STAT2: variants seen among roughly 807,000 people sequenced by gnomAD.
STAT2 encodes the protein signal transducer and activator of transcription 2.
STAT2 carries 51 observed loss-of-function variants against 122.3 expected under a neutral mutation model. That is an observed-to-expected ratio of 0.42 (90% CI 0.33 to 0.53). The LOEUF is 0.53. STAT2 is among the 20% of genes least tolerant of loss of function. The pLI, the probability that STAT2 is intolerant of heterozygous loss-of-function variation, is 0.10. For missense variants in STAT2, 736 were observed against 1,010.3 expected (o/e 0.73, Z 3.68); for synonymous variants, 351 against 394.9 (o/e 0.89, Z 1.32).
In STAT2 at chr12:56,351,345, C is replaced by T; in HGVS notation, c.888G>A (p.Gly296=). 1 of 1,614,112 alleles carries T rather than the reference C, an allele frequency of 6.2e-7. No homozygotes were observed. Among genetic ancestry groups the T allele is most frequent in the Non-Finnish European group, 8.5e-7 (1 of 1,180,034 alleles). The change falls in exon 9 of 24, where the codon GGG becomes GGA. Residue 296 remains glycine, a synonymous_variant. Coordinates refer to ENST00000314128, the MANE Select transcript of STAT2 (RefSeq NM_005419.4). The part of the protein sequence containing the change: ...VSYQDDPLTK[G]VDLRNAQVTE... ...TGACCTGGGCGTTGCGTAGGTCCAC[C>T]CCTTTGGTCAGAGGGTCATCCTGAT...
Position 56,349,214 on chromosome 12 carries a change from T to G in STAT2, c.1389A>C (p.Ser463=). ...VVIISNMNQL[S]IAWASVLWFN... is the part of the protein sequence containing the mutation. ...ACCAGAGAACTGAAGCCCAGGCAAT[T>G]GAGAGCTGGTTCATGTTGGAAATAA... Residue 463 remains serine (S), a synonymous_variant, in exon 16 of 24, where the codon TCA becomes TCC. Coordinates refer to ENST00000314128, the MANE Select transcript of STAT2 (RefSeq NM_005419.4). 1 of 1,614,080 alleles carries G rather than the reference T, an allele frequency of 6.2e-7. No individual in the cohort carries two copies. The highest frequency in any genetic ancestry group is 8.5e-7 in the Non-Finnish European group (1 of 1,180,004).
intron 14 of STAT2, 28 bp downstream of exon 14, chr12:56,349,561 T>G (rs569386488): frequency 6.2e-7 from 1 of 1,614,150 alleles, no homozygotes; most frequent in African/African-American, 1.3e-5. Context: ...AAGCTCCCCC[T>G]GCCTCGAGTC....
At chr12:56,353,599 A>G (rs1878891013) in intron 8 of STAT2, among the ~76,000 whole-genome samples, 1 of 152,206 alleles carries the variant, frequency 6.6e-6, no homozygotes, top group Non-Finnish European at 1.5e-5. Context: ...CAAGAAATTG[A>G]AAATAACCTA....
intron 8 of STAT2, among the ~76,000 whole-genome samples, chr12:56,354,016 A>AAAAAAAAAATATAT (rs71081350): frequency 6.6e-4 from 11 of 16,692 alleles, no homozygotes; most frequent in African/African-American, 1.2e-3. Flanking sequence ...AAAAAAAAAA[A>AAAAAAAAAATATAT]ATATATATAT....
At position 56,343,467 on chromosome 12, in the gene STAT2, C is replaced by T; in HGVS notation, c.2478G>A (p.Gln826=). Residue 826 remains glutamine, a synonymous_variant, in exon 24 of 24, where the codon CAG becomes CAA. Transcript: ENST00000314128. The stretch of plus-strand genomic sequence containing the variant: ...AGACGTAAACCTCATCCACGGTGTT[C>T]TGGCCAGCCAACAGTGGGTCACCAT... The part of the protein sequence containing the change: ...MPNGDPLLAG[Q]NTVDEVYVSR... 2 of 1,614,176 alleles carry T rather than the reference C, an allele frequency of 1.2e-6. No homozygotes were observed. The highest frequency in any genetic ancestry group is 1.7e-6 in the Non-Finnish European group (2 of 1,180,028).
At position 56,348,535 on chromosome 12, in the gene STAT2, T is replaced by C. The variant is rs562829410; in HGVS notation, c.1718A>G (p.Asn573Ser). 3.7e-6 allele frequency: 6 copies of C among 1,614,058 alleles called. No individual in the cohort carries two copies. The highest frequency in any genetic ancestry group is 5.1e-6 in the Non-Finnish European group (6 of 1,180,026). ...AGGGTGACCAAGGCCTTACCCATCA[T>C]TCCAGAGATCCTTCAGGTGGTCATG... ...LVHDHLKDLW[N>S]DGRIMGFVSR... The change falls in exon 19 of 24, where the codon AAT (asparagine) becomes AGT (serine). Residue 573 changes from asparagine (N) to serine (S), a missense_variant. Physicochemically the swap from Asn to Ser is conservative, Grantham distance 46. Coordinates refer to ENST00000314128, the MANE Select transcript of STAT2 (RefSeq NM_005419.4).
chr12:56,351,001 A>T, intron 10 of STAT2, 97 bp downstream of exon 10: 1 of 1,570,424 alleles, frequency 6.4e-7, no homozygotes, highest in Non-Finnish European at 8.8e-7. Context: ...GCAGGGAAAG[A>T]GAAGAAAAAG....
chr12:56,343,451 C>A lies in STAT2; in HGVS notation c.2494G>T (p.Val832Phe), dbSNP rs1212414692. The A allele has an allele frequency of 1.2e-6, 2 of 1,613,952 alleles. No homozygotes were observed. Among genetic ancestry groups the A allele is most frequent in the African/African-American group, 2.7e-5 (2 of 74,892 alleles). The change falls in exon 24 of 24, where the codon GTT (valine) becomes TTT (phenylalanine). Residue 832 changes from valine to phenylalanine, a missense_variant. Physicochemically the swap from Val to Phe is conservative, Grantham distance 50 (BLOSUM62 -1). Transcript: ENST00000314128. ...AAGTGGCTGGGGCGGGAGACGTAAA[C>A]CTCATCCACGGTGTTCTGGCCAGCC... ...LLAGQNTVDEVYVSRPSHFYT... is the reference protein window; with the variant it reads ...LLAGQNTVDEFYVSRPSHFYT...
intron 1 of STAT2, among the ~76,000 whole-genome samples, 155 bp downstream of exon 1, chr12:56,359,903 G>T (rs1007422233): frequency 5.9e-5 from 9 of 152,166 alleles, no homozygotes; most frequent in Admixed American, 5.9e-4. Flanking sequence ...GACAGAAGAA[G>T]ATCGAGGACC....
At chr12:56,346,325 C>G in intron 21 of STAT2, 117 bp downstream of exon 21, 4 of 1,554,146 alleles carry the variant, frequency 2.6e-6, no homozygotes, top group South Asian at 1.1e-5. Flanking sequence ...ATCCCATGGA[C>G]GAATCCCTTA....
At chr12:56,356,392 GAAGT>G in intron 2 of STAT2, 45 bp downstream of exon 2, 3 of 1,609,728 alleles carry the variant, frequency 1.9e-6, no homozygotes, top group Non-Finnish European at 2.5e-6. Flanking sequence ...CGGGGGCCCA[GAAGT>G]AAGGAACCAC....
intron 22 of STAT2, among the ~76,000 whole-genome samples, chr12:56,344,737 A>C (rs997308369): frequency 1.3e-5 from 2 of 151,846 alleles, no homozygotes; most frequent in African/African-American, 4.8e-5. Flanking sequence ...CCGGGTGCAG[A>C]GGCTCACGCC....
chr12:56,357,188 C>T (rs1436228446), intron 1 of STAT2, among the ~76,000 whole-genome samples: 2 of 151,888 alleles, frequency 1.3e-5, no homozygotes, highest in East Asian at 1.9e-4. Context: ...AGGCACCCAC[C>T]ACCACGCCCA....
Position 56,350,080 on chromosome 12 carries a change from T to A in STAT2, c.1209+17A>T, listed in dbSNP as rs780103804. The A allele has an allele frequency of 3.8e-6, 6 of 1,593,174 alleles. No homozygotes were observed. In the East Asian group the frequency reaches 1.3e-4, roughly 36 times the overall value. ...ATAAAAATAGTAATAAAAGCATAGG[T>A]CACAAACTATTCTTACCAGGTAACC... On this transcript the variant is annotated intron_variant, in intron 13 of 23. Transcript: ENST00000314128.
chr12:56,343,864 G>C lies in STAT2; in HGVS notation c.2374C>G (p.Pro792Ala). ...GTGTTCAAATGTCTCAGATCACAGG[G>C]CAAATCTGGCTCTGGCACTGGCTGT... ...VSQPVPEPDL[P>A]CDLRHLNTEP... The change falls in exon 23 of 24, where the codon CCC becomes GCC. Residue 792 changes from proline (P) to alanine (A), a missense_variant. Coordinates refer to ENST00000314128, the MANE Select transcript of STAT2 (RefSeq NM_005419.4). 1 of 1,614,194 alleles carries C rather than the reference G, an allele frequency of 6.2e-7. No homozygotes were observed.
chr12:56,357,644 C>T (rs978029569), intron 1 of STAT2, among the ~76,000 whole-genome samples: 2 of 151,906 alleles, frequency 1.3e-5, no homozygotes, highest in East Asian at 1.9e-4. Context: ...TGTGCCCAGC[C>T]GGCCCCAACC....
chr12:56,355,532 C>G lies in STAT2; in HGVS notation c.382G>C (p.Glu128Gln). ...GTTTCGAGAACTGGCTCTCCTTGTT[C>G]CTGAAAAAAGAGGCTCTGAGCACGT... Reference protein sequence around the residue: ...ILIQAQRAQLEQGEPVLETPV... With the variant: ...ILIQAQRAQLQQGEPVLETPV... The change falls in exon 5 of 24, where the codon GAA (glutamate) becomes CAA (glutamine). Residue 128 changes from glutamate to glutamine, a missense_variant and splice_region_variant. By Grantham distance (29) the Glu-to-Gln change is conservative. Coordinates refer to ENST00000314128, the MANE Select transcript of STAT2 (RefSeq NM_005419.4). The G allele has an allele frequency of 1.2e-6, 2 of 1,614,082 alleles. No homozygotes were observed. Among genetic ancestry groups the G allele is most frequent in the Non-Finnish European group, 8.5e-7 (1 of 1,180,008 alleles).
At chr12:56,347,733 C>G (rs1877721004) in intron 19 of STAT2, among the ~76,000 whole-genome samples, 1 of 152,110 alleles carries the variant, frequency 6.6e-6, no homozygotes, top group African/African-American at 2.4e-5. Flanking sequence ...AACTCCTGAC[C>G]TCAGGTGATC....
At chr12:56,354,707 G>A in intron 7 of STAT2, 71 bp downstream of exon 7, 1 of 1,612,966 alleles carries the variant, frequency 6.2e-7, no homozygotes, top group Non-Finnish European at 8.5e-7. Context: ...CAGCGCTAGA[G>A]GACCAGGGTC....
Sources: gnomAD v4.1 joint callset for allele counts (sites outside exome capture counted in the v4.1 genomes callset) on GRCh38, gnomAD v4.1.1 for gene constraint, MANE v1.5 for transcripts, NCBI Gene and HGNC (gene_info 2026-07-23, HGNC 2026-07-21) for gene names.